TNR: variants seen among roughly 807,000 people sequenced by gnomAD.
TNR encodes tenascin R, also known as tenascin-R.
A neutral mutation model predicts 150.4 loss-of-function variants in TNR; 45 were observed. That is an observed-to-expected ratio of 0.30 (90% CI 0.24 to 0.38). TNR has a LOEUF of 0.38. Among genes scored for constraint, TNR ranks in the 10% least tolerant of loss-of-function variants. The probability of loss-of-function intolerance (pLI) is 1.00; values close to 1 mark genes in which losing one functional copy is unlikely to be tolerated. For missense variants in TNR, 1,544 were observed against 1,759.1 expected (o/e 0.88, Z 2.19); for synonymous variants, 687 against 678.4 (o/e 1.01, Z -0.20).
chr1:175,350,431 G>T (rs1651001748), intron 18 of TNR, among the ~76,000 whole-genome samples: 1 of 152,216 alleles, frequency 6.6e-6, no homozygotes, highest in Non-Finnish European at 1.5e-5. Flanking sequence ...AGTCCTGGCT[G>T]CTCTGTGGGG....
intron 9 of TNR, among the ~76,000 whole-genome samples, chr1:175,367,600 T>G (rs138202597): frequency 6.6e-6 from 1 of 152,340 alleles, no homozygotes; most frequent in African/African-American, 2.4e-5. Flanking sequence ...ACTCCTTGTA[T>G]GCTTAGCGTC....
intron 1 of TNR, among the ~76,000 whole-genome samples, chr1:175,572,348 A>C (rs185031155): frequency 1.3e-5 from 2 of 152,346 alleles, no homozygotes; most frequent in Admixed American, 1.3e-4. Context: ...TACATTCTTT[A>C]GTAATCAAGA....
intron 22 of TNR, 33 bp from the exon 23 acceptor site, chr1:175,323,509 T>C: frequency 6.2e-7 from 1 of 1,606,014 alleles, no homozygotes; most frequent in Non-Finnish European, 8.5e-7. Context: ...TGTCAGGTCA[T>C]CCCCCACCAT....
chr1:175,634,302 G>A (rs1000731215), intron 1 of TNR, among the ~76,000 whole-genome samples: 1 of 152,108 alleles, frequency 6.6e-6, no homozygotes, highest in Admixed American at 6.5e-5. Context: ...CAGCTCTGCC[G>A]CCTTCCCTCC....
chr1:175,428,452 A>T (rs947476420), intron 2 of TNR, among the ~76,000 whole-genome samples: 1 of 152,180 alleles, frequency 6.6e-6, no homozygotes, highest in Admixed American at 6.5e-5. Flanking sequence ...GCTGACATTT[A>T]CATAAGCCTT....
At chr1:175,338,137 G>T (rs1571311234) in intron 18 of TNR, among the ~76,000 whole-genome samples, 1 of 152,170 alleles carries the variant, frequency 6.6e-6, no homozygotes, top group African/African-American at 2.4e-5. Flanking sequence ...AAGAATGAGA[G>T]GCATCTGAGC....
At chr1:175,341,363 C>T (rs1439916611) in intron 18 of TNR, among the ~76,000 whole-genome samples, 1 of 152,138 alleles carries the variant, frequency 6.6e-6, no homozygotes, top group Non-Finnish European at 1.5e-5. Context: ...TTTTTTAGCA[C>T]AGGCTGTGGT....
At position 175,318,480 on chromosome 1, in the gene TNR, G is replaced by A. The variant is rs1288069366; in HGVS notation, c.*4877C>T. On this transcript the variant is annotated 3_prime_UTR_variant, in exon 23 of 23. Coordinates refer to ENST00000367674, the MANE Select transcript of TNR (RefSeq NM_003285.3). Reference sequence around the variant, plus strand: ...ATCTACACCAATACATCATCTTAAAGCATATAGGAGTTACTTTCCCTGCTT... The same window carrying A: ...ATCTACACCAATACATCATCTTAAAACATATAGGAGTTACTTTCCCTGCTT... 1 of 152,198 alleles carries A rather than the reference G, an allele frequency of 6.6e-6. No homozygotes were observed. Among genetic ancestry groups the A allele is most frequent in the Non-Finnish European group, 1.5e-5 (1 of 68,038 alleles). 9.4% of individuals were successfully genotyped at this position (152,198 alleles called of 1,614,324 possible).
At chr1:175,350,641 T>C (rs1279178081) in intron 18 of TNR, among the ~76,000 whole-genome samples, 1 of 152,170 alleles carries the variant, frequency 6.6e-6, no homozygotes, top group African/African-American at 2.4e-5. Flanking sequence ...AAGAATGAAA[T>C]GGACTTATGT....
At chr1:175,352,113 A>G (rs986421847) in intron 18 of TNR, among the ~76,000 whole-genome samples, 8 of 152,150 alleles carry the variant, frequency 5.3e-5, no homozygotes, top group Admixed American at 1.3e-4. Context: ...GATCCAAAAA[A>G]CTGTACACTG....
At chr1:175,548,350 C>T (rs1438665356) in intron 1 of TNR, among the ~76,000 whole-genome samples, 1 of 152,056 alleles carries the variant, frequency 6.6e-6, no homozygotes, top group Non-Finnish European at 1.5e-5. Flanking sequence ...TAGAGTAAGA[C>T]ATGCCCTGCT....
chr1:175,733,998 C>T (rs948834761), intron 1 of TNR, among the ~76,000 whole-genome samples: 2 of 152,208 alleles, frequency 1.3e-5, no homozygotes, highest in African/African-American at 4.8e-5. Context: ...GTCAGCCAAC[C>T]TTCCCTTGAG....
intron 21 of TNR, among the ~76,000 whole-genome samples, chr1:175,327,613 C>T (rs1035562518): frequency 2.0e-5 from 3 of 152,212 alleles, no homozygotes; most frequent in African/African-American, 7.2e-5. Context: ...ACCTGCCTCA[C>T]CAATCTTCTC....
At chr1:175,595,246 T>C (rs912465846) in intron 1 of TNR, among the ~76,000 whole-genome samples, 1 of 152,178 alleles carries the variant, frequency 6.6e-6, no homozygotes, top group Admixed American at 6.5e-5. Flanking sequence ...TGGTAGAGAA[T>C]GCATTATGTG....
At chr1:175,431,541 C>T (rs1328613731) in intron 2 of TNR, among the ~76,000 whole-genome samples, 1 of 152,142 alleles carries the variant, frequency 6.6e-6, no homozygotes, top group Non-Finnish European at 1.5e-5. Flanking sequence ...TCCAATCAGT[C>T]CTTTAGATCC....
chr1:175,459,145 C>T (rs1656705443), intron 2 of TNR, among the ~76,000 whole-genome samples: 2 of 151,498 alleles, frequency 1.3e-5, no homozygotes, highest in African/African-American at 4.9e-5. Context: ...CTACCACCTC[C>T]ACCACTACCA....
chr1:175,722,891 A>C (rs1188479739), intron 1 of TNR, among the ~76,000 whole-genome samples: 1 of 152,056 alleles, frequency 6.6e-6, no homozygotes, highest in African/African-American at 2.4e-5. Flanking sequence ...TCCTGGGTTC[A>C]AACAATTCTC....
At chr1:175,619,432 T>G (rs1024960427) in intron 1 of TNR, among the ~76,000 whole-genome samples, 1 of 152,128 alleles carries the variant, frequency 6.6e-6, no homozygotes, top group African/African-American at 2.4e-5. Context: ...ATGATTCCAG[T>G]TTCAGGAGAC....
At chr1:175,578,781 C>T (rs749289591) in intron 1 of TNR, among the ~76,000 whole-genome samples, 2 of 152,194 alleles carry the variant, frequency 1.3e-5, no homozygotes, top group Non-Finnish European at 2.9e-5. Flanking sequence ...TAAATGAGAG[C>T]CAGCCTGGCA....
Sources: allele counts gnomAD v4.1 joint callset (sites outside exome capture counted in the v4.1 genomes callset), GRCh38; gene constraint gnomAD v4.1.1; transcripts MANE v1.5; gene names NCBI Gene and HGNC (gene_info 2026-07-23, HGNC 2026-07-21).